Variants in RHOT1 observed in about 807,000 individuals in gnomAD.
RHOT1 encodes ras homolog family member T1.
RHOT1 carries 27 observed loss-of-function variants against 95.3 expected under a neutral mutation model. The observed-to-expected ratio is 0.28, with a 90% confidence interval of 0.21 to 0.39. RHOT1 has a LOEUF of 0.39. RHOT1 is among the 10% of genes least tolerant of loss of function. The pLI is 1.00. For missense variants in RHOT1, 578 were observed against 786.7 expected (o/e 0.73, Z 3.17); for synonymous variants, 227 against 263.5 (o/e 0.86, Z 1.34).
chr17:32,169,303 G>C (rs1192049135), intron 1 of RHOT1, among the ~76,000 whole-genome samples: 1 of 152,144 alleles, frequency 6.6e-6, no homozygotes. Flanking sequence ...TAAGCATGTG[G>C]ACTGTTTTCC....
intron 6 of RHOT1, among the ~76,000 whole-genome samples, chr17:32,177,570 A>G (rs1342922671): frequency 1.3e-5 from 2 of 151,998 alleles, no homozygotes; most frequent in African/African-American, 4.8e-5. Context: ...CCTGGCTAAC[A>G]CAGTGAAACC....
At chr17:32,150,370 C>A in intron 1 of RHOT1, 9 of 345,346 alleles carry the variant, frequency 2.6e-5, no homozygotes, top group Non-Finnish European at 4.1e-5. Context: ...TTTTTTTTTT[C>A]ATGTGTAAGA....
chr17:32,204,065 C>G, intron 16 of RHOT1, 92 bp downstream of exon 16: 1 of 798,156 alleles, frequency 1.3e-6, no homozygotes, highest in Non-Finnish European at 2.0e-6. Flanking sequence ...TTGAATGACT[C>G]TCTGTAGAAC....
rs937471285 is a variant in RHOT1, at chr17:32,192,183, T to C, written c.541-18T>C. The C allele has an allele frequency of 1.7e-6, 2 of 1,171,872 alleles. No homozygotes were observed. Among genetic ancestry groups the C allele is most frequent in the African/African-American group, 3.1e-5 (2 of 64,146 alleles). The allele number at this position is 1,171,872 out of a possible 1,614,324, so 72.6% of individuals were successfully genotyped here. The stretch of plus-strand genomic sequence containing the variant: ...AATCACAGTTTAAACAATTATTTCT[T>C]TTCTCAATGATTTATAGATGAAACC... On this transcript the variant is annotated intron_variant, in intron 8 of 19. Coordinates refer to ENST00000545287, the MANE Select transcript of RHOT1 (RefSeq NM_001033566.3).
At chr17:32,172,784 C>T (rs1017591248) in intron 2 of RHOT1, among the ~76,000 whole-genome samples, 6 of 152,200 alleles carry the variant, frequency 3.9e-5, no homozygotes, top group Non-Finnish European at 5.9e-5. Flanking sequence ...GAGCTGAGAT[C>T]GTGCCATTGC....
chr17:32,155,359 A>C (rs1007373944), intron 1 of RHOT1, among the ~76,000 whole-genome samples: 1 of 151,566 alleles, frequency 6.6e-6, no homozygotes, highest in Non-Finnish European at 1.5e-5. Flanking sequence ...ACAGGGTTTC[A>C]CCATGTTAAC....
At chr17:32,192,127 A>G in intron 8 of RHOT1, 74 bp from the exon 9 acceptor site, 1 of 769,930 alleles carries the variant, frequency 1.3e-6, no homozygotes, top group Non-Finnish European at 2.2e-6. Context: ...ATGTAAAAAT[A>G]ATCAGAATTA....
chr17:32,176,542 T>TTTTATTTATTTA lies in RHOT1; in HGVS notation c.329+365_329+376dup, dbSNP rs368484694. 3.0e-3 allele frequency among the ~76,000 whole-genome samples: 422 copies of TTTTATTTATTTA among 140,656 alleles called. 3 individuals are homozygous for TTTTATTTATTTA. The highest frequency in any genetic ancestry group is 7.0e-3 in the Middle Eastern group (2 of 284). 92.3% of individuals were successfully genotyped at this position (140,656 alleles called of 152,430 possible). On this transcript the variant is annotated intron_variant, in intron 6 of 19. Coordinates refer to ENST00000545287, the MANE Select transcript of RHOT1 (RefSeq NM_001033566.3). ...CAAACTGCTGCTTGAAAAGTCTCAG[T>TTTTATTTATTTA]TTTATTTATTTATTTATTTATTTAT... is the stretch of plus-strand genomic sequence containing the variant.
At chr17:32,153,645 T>A (rs1229156759) in intron 1 of RHOT1, among the ~76,000 whole-genome samples, 1 of 151,978 alleles carries the variant, frequency 6.6e-6, no homozygotes, top group Non-Finnish European at 1.5e-5. Flanking sequence ...GGCAAAAGAG[T>A]GAGACCCTGT....
rs977014550 is a variant in RHOT1 at position 32,199,443 on chromosome 17, T to C, written c.993T>C (p.Asp331=). The change falls in exon 13 of 20, where the codon GAT becomes GAC. Residue 331 remains aspartate, a synonymous_variant. Coordinates refer to ENST00000545287, the MANE Select transcript of RHOT1 (RefSeq NM_001033566.3). The part of the protein sequence containing the change: ...DCALSPDELK[D]LFKVFPYIPW... The stretch of plus-strand genomic sequence containing the variant: ...CTTTGTCACCTGATGAGCTTAAAGA[T>C]TTATTTAAAGTTTTCCCTTACATAC... 6.2e-7 allele frequency: 1 copy of C among 1,613,280 alleles called. No individual in the cohort carries two copies. The highest frequency in any genetic ancestry group is 1.3e-5 in the African/African-American group (1 of 74,896).
chr17:32,199,780 CT>C (rs771893009), intron 13 of RHOT1, among the ~76,000 whole-genome samples: 67 of 152,026 alleles, frequency 4.4e-4, no homozygotes, highest in Non-Finnish European at 7.9e-4. Flanking sequence ...AGTAGTAAGT[CT>C]TTGAAAATTG....
At chr17:32,170,950 G>T (rs1263138400) in intron 1 of RHOT1, 93 bp from the exon 2 acceptor site, 4 of 699,738 alleles carry the variant, frequency 5.7e-6, no homozygotes, top group Non-Finnish European at 9.8e-6. Context: ...TTAGATTTTA[G>T]CTAATGAGTA....
At chr17:32,152,648 G>A (rs2032455438) in intron 1 of RHOT1, among the ~76,000 whole-genome samples, 1 of 152,008 alleles carries the variant, frequency 6.6e-6, no homozygotes, top group African/African-American at 2.4e-5. Context: ...GGGCCATGGT[G>A]AGGGAGGGAA....
At chr17:32,146,557 T>C (rs1462102096) in intron 1 of RHOT1, among the ~76,000 whole-genome samples, 1 of 150,022 alleles carries the variant, frequency 6.7e-6, no homozygotes, top group African/African-American at 2.5e-5. Context: ...GCCAGTCTCC[T>C]GCCTCAGTCT....
intron 1 of RHOT1, among the ~76,000 whole-genome samples, chr17:32,169,662 T>C (rs749877731): frequency 6.6e-6 from 1 of 152,232 alleles, no homozygotes; most frequent in Non-Finnish European, 1.5e-5. Context: ...TGAGTTCTAC[T>C]TCTAGGAATT....
chr17:32,211,023 G>A (rs1404496857), intron 18 of RHOT1, 93 bp from the exon 19 acceptor site: 16 of 1,288,172 alleles, frequency 1.2e-5, no homozygotes, highest in East Asian at 4.7e-5. Flanking sequence ...TGTTGCTTAT[G>A]CCTAAGTCTT....
chr17:32,222,600 T>C (rs982244357), intron 19 of RHOT1, among the ~76,000 whole-genome samples: 1 of 152,132 alleles, frequency 6.6e-6, no homozygotes. Context: ...GGCAATTTGC[T>C]ATAGAATACA....
At chr17:32,173,697 A>C in intron 2 of RHOT1, 134 bp from the exon 3 acceptor site, 1 of 652,012 alleles carries the variant, frequency 1.5e-6, no homozygotes, top group Admixed American at 2.8e-5. Flanking sequence ...TGGACCATAG[A>C]GTGAGACTCC....
At chr17:32,144,350 C>G (rs761668612) in intron 1 of RHOT1, among the ~76,000 whole-genome samples, 1 of 151,882 alleles carries the variant, frequency 6.6e-6, no homozygotes, top group Non-Finnish European at 1.5e-5. Context: ...GAGTTCGAGA[C>G]GAGCCTGGCC....
Sources: allele counts gnomAD v4.1 joint callset (sites outside exome capture counted in the v4.1 genomes callset), GRCh38; gene constraint gnomAD v4.1.1; transcripts MANE v1.5; gene names NCBI Gene and HGNC (gene_info 2026-07-23, HGNC 2026-07-21).